The following DAB2IP variants were observed in gnomAD, a reference collection of about 807,000 sequenced individuals.
The protein encoded by DAB2IP is disabled homolog 2-interacting protein.
DAB2IP carries 28 observed loss-of-function variants against 107.2 expected under a neutral mutation model. That is an observed-to-expected ratio of 0.26 (90% CI 0.19 to 0.36). The LOEUF is 0.36. Among genes scored for constraint, DAB2IP ranks in the 10% least tolerant of loss-of-function variants. DAB2IP has a pLI of 1.00. For missense variants in DAB2IP, 1,400 were observed against 1,644.7 expected (o/e 0.85, Z 2.57); for synonymous variants, 755 against 706.4 (o/e 1.07, Z -1.09).
At chr9:121,682,060 T>C (rs7854459) in intron 2 of DAB2IP, among the ~76,000 whole-genome samples, 2,963 of 152,242 alleles carry the variant, frequency 0.019, 93 homozygotes, top group African/African-American at 0.068. Context: ...ACAAGGTGTT[T>C]GGGGGAAGGT....
intron 1 of DAB2IP, among the ~76,000 whole-genome samples, chr9:121,665,697 G>A (rs912483971): frequency 3.3e-5 from 5 of 152,288 alleles, no homozygotes; most frequent in Admixed American, 6.5e-5. Flanking sequence ...AAGCTCTATC[G>A]CATATGTCTT....
chr9:121,580,711 G>C (rs550747556), intron 1 of DAB2IP, among the ~76,000 whole-genome samples: 1 of 151,936 alleles, frequency 6.6e-6, no homozygotes, highest in African/African-American at 2.4e-5. Context: ...TGCAAGCTCC[G>C]CCTCTCAGGT....
At chr9:121,608,813 A>G (rs1168936079) in intron 1 of DAB2IP, among the ~76,000 whole-genome samples, 2 of 152,170 alleles carry the variant, frequency 1.3e-5, no homozygotes, top group Non-Finnish European at 2.9e-5. Flanking sequence ...ACCTCTCCTT[A>G]TGGAACCTTG....
intron 3 of DAB2IP, among the ~76,000 whole-genome samples, chr9:121,739,229 C>T (rs1420232778): frequency 6.6e-6 from 1 of 152,202 alleles, no homozygotes; most frequent in Non-Finnish European, 1.5e-5. Flanking sequence ...TTAGAGTGTG[C>T]TGGAGCAAGA....
intron 1 of DAB2IP, among the ~76,000 whole-genome samples, chr9:121,655,193 A>T (rs1234855353): frequency 1.3e-5 from 2 of 151,824 alleles, no homozygotes; most frequent in East Asian, 3.9e-4. Context: ...GGCCATTTGC[A>T]TTTTCCCACT....
At chr9:121,745,930 C>T (rs990492742) in intron 3 of DAB2IP, among the ~76,000 whole-genome samples, 3 of 152,176 alleles carry the variant, frequency 2.0e-5, no homozygotes, top group African/African-American at 4.8e-5. Flanking sequence ...AGCATTTGTT[C>T]GTAGATTTGT....
exon 16 of DAB2IP, chr9:121,783,039 T>C (rs1835776531): frequency 9.7e-7 from 1 of 1,032,434 alleles, no homozygotes; most frequent in Admixed American, 5.0e-5. Flanking sequence ...AGGAGGTCAG[T>C]GTCCCCTGCC....
Position 121,617,525 on chromosome 9 carries a change from T to C in DAB2IP, c.40+50297T>C, listed in dbSNP as rs116864446. Among the ~76,000 whole-genome samples the C allele has an allele frequency of 1.1e-3, 169 of 152,274 alleles. 4 individuals carry two copies. In the East Asian group the frequency reaches 0.028, roughly 25 times the overall value. On this transcript the variant is annotated intron_variant, in intron 1 of 16. Transcript: ENST00000259371. ...CCAATACAGCGGTTTCCGTGGAGTC[T>C]CTCTTCTCTGCACCTCACCCAAGGG...
At chr9:121,677,611 C>G (rs1364954535) in intron 1 of DAB2IP, among the ~76,000 whole-genome samples, 1 of 152,190 alleles carries the variant, frequency 6.6e-6, no homozygotes, top group East Asian at 1.9e-4. Flanking sequence ...TATATGCCTC[C>G]AGTGACAGGG....
intron 3 of DAB2IP, among the ~76,000 whole-genome samples, chr9:121,731,629 G>T (rs959997978): frequency 3.3e-5 from 5 of 152,194 alleles, no homozygotes; most frequent in Non-Finnish European, 7.3e-5. Flanking sequence ...CCCAAGAATG[G>T]ACTGCTCTGG....
chr9:121,661,626 G>A (rs1025864079), intron 1 of DAB2IP, among the ~76,000 whole-genome samples: 36 of 152,074 alleles, frequency 2.4e-4, no homozygotes, highest in African/African-American at 7.2e-4. Context: ...GAAGGTCCCC[G>A]GGAGACAGAC....
intron 1 of DAB2IP, among the ~76,000 whole-genome samples, chr9:121,639,583 C>T (rs557285381): frequency 1.3e-4 from 20 of 152,014 alleles, no homozygotes; most frequent in African/African-American, 2.2e-4. Context: ...GGGGAGCCTG[C>T]GGAGGGAGGT....
At chr9:121,629,150 C>T (rs373641222) in intron 1 of DAB2IP, among the ~76,000 whole-genome samples, 2 of 152,178 alleles carry the variant, frequency 1.3e-5, no homozygotes, top group African/African-American at 2.4e-5. Context: ...AGAAATGATG[C>T]GATAGATTCC....
chr9:121,742,864 G>A (rs1832451524), intron 3 of DAB2IP: 4 of 985,296 alleles, frequency 4.1e-6, no homozygotes, highest in South Asian at 9.4e-5. Context: ...AGATAGACCC[G>A]ACCCCACAGG....
At chr9:121,721,704 TG>T (rs1830946423) in intron 3 of DAB2IP, among the ~76,000 whole-genome samples, 2 of 152,244 alleles carry the variant, frequency 1.3e-5, no homozygotes, top group South Asian at 4.1e-4. Flanking sequence ...CAACACTGTG[TG>T]GGCTAAACAA....
intron 1 of DAB2IP, among the ~76,000 whole-genome samples, chr9:121,660,824 T>C (rs931664256): frequency 1.3e-5 from 2 of 152,242 alleles, no homozygotes; most frequent in Non-Finnish European, 2.9e-5. Context: ...TGGTGTTCTT[T>C]TTTTTAAACA....
intron 1 of DAB2IP, among the ~76,000 whole-genome samples, chr9:121,673,673 G>A (rs909900221): frequency 4.6e-5 from 7 of 152,182 alleles, no homozygotes; most frequent in Non-Finnish European, 8.8e-5. Context: ...TGAGAAACGT[G>A]GGTCCAGAAC....
chr9:121,619,320 TA>T (rs1831383667), intron 1 of DAB2IP, among the ~76,000 whole-genome samples: 1 of 152,126 alleles, frequency 6.6e-6, no homozygotes. Flanking sequence ...CTAATTTTTG[TA>T]ATTTTTGTGG....
At position 121,708,478 on chromosome 9, in the gene DAB2IP, GTC is replaced by G. The variant is rs1830167843; in HGVS notation, c.362+9023_362+9024del. Among the ~76,000 whole-genome samples, 8 of 152,318 alleles carry G rather than the reference GTC, an allele frequency of 5.3e-5. No individual in the cohort carries two copies. The South Asian group carries it at 1.7e-3, about 32-fold the overall frequency. ...AAGCTCCTGCACACCAGTGCCCTGG[GTC>G]TCCTGAGGGTGCTTGGAACAGTCAG... On this transcript the variant is annotated intron_variant, in intron 3 of 15. Coordinates refer to ENST00000408936, the Ensembl canonical transcript of DAB2IP.
Sources: gnomAD v4.1 joint callset for allele counts (sites outside exome capture counted in the v4.1 genomes callset) on GRCh38, gnomAD v4.1.1 for gene constraint, MANE v1.5 for transcripts, NCBI Gene and HGNC (gene_info 2026-07-23, HGNC 2026-07-21) for gene names.